Variants in DIP2C observed in about 807,000 individuals in gnomAD.
DIP2C encodes disco-interacting protein 2 homolog C.
Under a neutral mutation model 192.4 loss-of-function variants are expected in DIP2C, and 33 were observed. The ratio of observed to expected loss-of-function variants is 0.17; its 90% confidence interval spans 0.13 to 0.23. The LOEUF (loss-of-function observed/expected upper bound fraction) is 0.23. DIP2C is among the 10% of genes least tolerant of loss of function. The probability of loss-of-function intolerance (pLI) is 1.00; values close to 1 mark genes in which losing one functional copy is unlikely to be tolerated. For synonymous variants in DIP2C, 979 were observed against 864.1 expected (o/e 1.13, Z -2.33); for missense variants, 1,537 against 2,110.1 (o/e 0.73, Z 5.32).
intron 9 of DIP2C, among the ~76,000 whole-genome samples, chr10:404,735 A>G (rs1408836179): frequency 6.6e-6 from 1 of 152,216 alleles, no homozygotes; most frequent in African/African-American, 2.4e-5. Context: ...GAATATATGA[A>G]TATTTCCTTT....
At chr10:549,448 G>A (rs1848475933) in intron 1 of DIP2C, among the ~76,000 whole-genome samples, 1 of 152,178 alleles carries the variant, frequency 6.6e-6, no homozygotes, top group South Asian at 2.1e-4. Flanking sequence ...CAGGTGAGAT[G>A]TGGCACATGA....
chr10:409,095 C>A, intron 8 of DIP2C, 78 bp from the exon 9 acceptor site: 2 of 1,464,102 alleles, frequency 1.4e-6, no homozygotes, highest in South Asian at 1.2e-5. Flanking sequence ...AAGTCTAGGA[C>A]ATGAGTCCAT....
At chr10:611,366 T>C (rs1853086590) in intron 1 of DIP2C, among the ~76,000 whole-genome samples, 1 of 152,160 alleles carries the variant, frequency 6.6e-6, no homozygotes, top group African/African-American at 2.4e-5. Context: ...TTTATAGCAG[T>C]GGAAGAATAG....
intron 6 of DIP2C, among the ~76,000 whole-genome samples, chr10:417,313 C>T (rs564420241): frequency 2.0e-4 from 31 of 152,092 alleles, no homozygotes; most frequent in South Asian, 1.7e-3. Context: ...TATGACACGC[C>T]GAGACAGCAC....
rs1416888757 is a variant in DIP2C at position 417,689 on chromosome 10, TCCGCCTGTGCCTGTCGGC to T, written c.739+1358_739+1375del. Among the ~76,000 whole-genome samples, 20 of 139,266 alleles carry T rather than the reference TCCGCCTGTGCCTGTCGGC, an allele frequency of 1.4e-4. 3 individuals are homozygous for T. Among genetic ancestry groups the T allele is most frequent in the African/African-American group, 5.2e-4 (19 of 36,246 alleles). 91.4% of individuals were successfully genotyped at this position (139,266 alleles called of 152,430 possible). On this transcript the variant is annotated intron_variant, in intron 6 of 36. Coordinates refer to ENST00000280886, the MANE Select transcript of DIP2C (RefSeq NM_014974.3). The stretch of plus-strand genomic sequence containing the variant: ...GTCAGGGCTCGGATAGGCCTCCCTG[TCCGCCTGTGCCTGTCGGC>T]TCAAATAGGCCTCCCTGTCTGCCTG...
chr10:345,421 A>C (rs888173598), intron 26 of DIP2C, among the ~76,000 whole-genome samples: 150 of 151,616 alleles, frequency 9.9e-4, no homozygotes, highest in African/African-American at 3.1e-3. Context: ...TGGAAACCCC[A>C]CACACACACA....
At chr10:627,861 C>T (rs567276440) in intron 1 of DIP2C, among the ~76,000 whole-genome samples, 5 of 152,240 alleles carry the variant, frequency 3.3e-5, no homozygotes, top group South Asian at 4.1e-4. Flanking sequence ...CATTCAGCCT[C>T]GAACAGACCA....
chr10:487,893 T>C (rs1282762909), intron 1 of DIP2C, among the ~76,000 whole-genome samples: 3 of 152,206 alleles, frequency 2.0e-5, no homozygotes, highest in Non-Finnish European at 2.9e-5. Context: ...ACTAGGTAGC[T>C]GGCCACTGAC....
chr10:575,199 C>T (rs1480442190), intron 1 of DIP2C, among the ~76,000 whole-genome samples: 1 of 152,176 alleles, frequency 6.6e-6, no homozygotes, highest in African/African-American at 2.4e-5. Flanking sequence ...TAATCTGAAA[C>T]ATGGAATTAT....
intron 1 of DIP2C, chr10:631,200 A>C (rs952459441): frequency 6.6e-6 from 1 of 152,266 alleles, no homozygotes; most frequent in Non-Finnish European, 1.5e-5. Flanking sequence ...AATAATTCAC[A>C]TAATTAAATT....
intron 1 of DIP2C, among the ~76,000 whole-genome samples, chr10:559,922 G>A (rs1397471625): frequency 6.6e-6 from 1 of 152,090 alleles, no homozygotes; most frequent in Non-Finnish European, 1.5e-5. Context: ...AATTCAGGGA[G>A]GTGTTCCTTC....
At chr10:599,330 G>C (rs1312911887) in intron 1 of DIP2C, among the ~76,000 whole-genome samples, 1 of 152,162 alleles carries the variant, frequency 6.6e-6, no homozygotes, top group African/African-American at 2.4e-5. Context: ...ACAGGTAAGT[G>C]AGTTTCTCCT....
At chr10:581,021 T>G (rs1012269650) in intron 1 of DIP2C, among the ~76,000 whole-genome samples, 23 of 152,194 alleles carry the variant, frequency 1.5e-4, no homozygotes. Context: ...TCTGGCAGAT[T>G]ATTCATTTTC....
chr10:438,055 TCA>T (rs147936917), intron 4 of DIP2C: 9 of 152,348 alleles, frequency 5.9e-5, no homozygotes, highest in Non-Finnish European at 7.4e-5. Context: ...CCATGTGATA[TCA>T]CAAGGACTCC....
intron 23 of DIP2C, 127 bp downstream of exon 23, chr10:357,701 C>G: frequency 2.9e-6 from 2 of 684,556 alleles, no homozygotes; most frequent in Non-Finnish European, 4.9e-6. Flanking sequence ...TGCGGACAGT[C>G]AGACACTGTC....
intron 1 of DIP2C, among the ~76,000 whole-genome samples, chr10:686,132 G>A (rs951984661): frequency 6.6e-6 from 1 of 152,146 alleles, no homozygotes; most frequent in African/African-American, 2.4e-5. Flanking sequence ...ATGTAGGGAA[G>A]AGAAGGGAGA....
At chr10:542,898 T>C (rs1293826861) in intron 1 of DIP2C, among the ~76,000 whole-genome samples, 1 of 151,976 alleles carries the variant, frequency 6.6e-6, no homozygotes, top group African/African-American at 2.4e-5. Context: ...AGTGGGGGGT[T>C]CTGACCCTGC....
rs541304852 is a variant in DIP2C, at chr10:526,360, CATTT to C, written c.86-39834_86-39831del. Among the ~76,000 whole-genome samples the C allele has an allele frequency of 1.8e-3, 271 of 152,210 alleles. 1 individual carries two copies. The highest frequency in any genetic ancestry group is 6.1e-3 in the African/African-American group (253 of 41,514). On this transcript the variant is annotated intron_variant, in intron 1 of 36. Coordinates refer to ENST00000280886, the MANE Select transcript of DIP2C (RefSeq NM_014974.3). ...TGTGTGTTTAGCATATAAATGTGTG[CATTT>C]ATTTATGTTAAATACATGAAAACAT...
intron 1 of DIP2C, among the ~76,000 whole-genome samples, chr10:626,474 C>T (rs1854210755): frequency 1.3e-5 from 2 of 151,968 alleles, no homozygotes; most frequent in Non-Finnish European, 2.9e-5. Context: ...CCTCCGTCCC[C>T]CGTCCCCGGG....
Sources: gnomAD v4.1 joint callset for allele counts (sites outside exome capture counted in the v4.1 genomes callset) on GRCh38, gnomAD v4.1.1 for gene constraint, MANE v1.5 for transcripts, NCBI Gene and HGNC (gene_info 2026-07-23, HGNC 2026-07-21) for gene names.